PRSS35: variants seen among roughly 807,000 people sequenced by gnomAD.
The protein encoded by PRSS35 is serine protease 35.
Under a neutral mutation model 8.1 loss-of-function variants are expected in PRSS35, and 7 were observed. That is an observed-to-expected ratio of 0.86 (90% CI 0.49 to 1.62). The LOEUF (loss-of-function observed/expected upper bound fraction) is 1.62, where lower values mean the gene tolerates loss of function less well. Ranked by LOEUF, PRSS35 falls within the 40% of genes most tolerant of loss-of-function variation. PRSS35 has a pLI of 0.00. For synonymous variants in PRSS35, 199 were observed against 188.7 expected (o/e 1.05, Z -0.45); for missense variants, 566 against 518.0 (o/e 1.09, Z -0.90).
chr6:83,513,161 A>G (rs1271120344), intron 1 of PRSS35, among the ~76,000 whole-genome samples: 1 of 152,028 alleles, frequency 6.6e-6, no homozygotes, highest in Admixed American at 6.5e-5. Context: ...AAAGCTTTTG[A>G]CTTGCTTTGA....
At chr6:83,514,219 T>A (rs1771673992) in intron 1 of PRSS35, among the ~76,000 whole-genome samples, 1 of 152,180 alleles carries the variant, frequency 6.6e-6, no homozygotes, top group Non-Finnish European at 1.5e-5. Context: ...AAAATACAGA[T>A]AAGTCTAGAG....
intron 1 of PRSS35, among the ~76,000 whole-genome samples, chr6:83,516,468 G>T: frequency 6.6e-6 from 1 of 151,406 alleles, no homozygotes; most frequent in East Asian, 2.0e-4. Flanking sequence ...CCCAGCTACT[G>T]GGGAGGCTGA....
Position 83,524,601 on chromosome 6 carries a change from T to C in PRSS35, c.1160T>C (p.Val387Ala), listed in dbSNP as rs1450419530. The C allele has an allele frequency of 8.1e-6, 13 of 1,614,050 alleles. No homozygotes were observed. Among genetic ancestry groups the C allele is most frequent in the African/African-American group, 6.7e-5 (5 of 74,918 alleles). The change falls in exon 2 of 2, where the codon GTT becomes GCT. Residue 387 changes from valine (V) to alanine (A), a missense_variant. Val to Ala is a moderately conservative substitution (Grantham distance 64). Coordinates refer to ENST00000369700, the MANE Select transcript of PRSS35 (RefSeq NM_153362.3). Reference protein sequence around the residue: ...DVHGVQKDYNVAVRITPLKYA... With the variant: ...DVHGVQKDYNAAVRITPLKYA... Reference sequence around the variant, plus strand: ...CACGGGGTTCAGAAGGACTACAACGTTGCTGTTCGCATCACTCCCCTAAAA... The same window carrying C: ...CACGGGGTTCAGAAGGACTACAACGCTGCTGTTCGCATCACTCCCCTAAAA...
At chr6:83,522,397 A>C (rs1304218472) in intron 1 of PRSS35, among the ~76,000 whole-genome samples, 1 of 152,152 alleles carries the variant, frequency 6.6e-6, no homozygotes, top group Non-Finnish European at 1.5e-5. Flanking sequence ...AGTGAGCCTC[A>C]AGAAAAGAAA....
At chr6:83,520,355 T>C (rs946622555) in intron 1 of PRSS35, among the ~76,000 whole-genome samples, 2 of 152,168 alleles carry the variant, frequency 1.3e-5, no homozygotes, top group Non-Finnish European at 1.5e-5. Flanking sequence ...CGGTTAAACC[T>C]AGCTGGGAGT....
In PRSS35 at chr6:83,522,643, C is replaced by T. The variant is rs190339853; in HGVS notation, c.-20-779C>T. Among the ~76,000 whole-genome samples the T allele has an allele frequency of 1.4e-4, 21 of 152,198 alleles. No individual in the cohort carries two copies. In the Middle Eastern group the frequency reaches 0.014, roughly 99 times the overall value. ...CCACCATAAGGCATTTTGTATGGAG[C>T]TTTGCTTAGAGGGTGGTTTCAAGCA... On this transcript the variant is annotated intron_variant, in intron 1 of 1. Transcript: ENST00000369700.
intron 1 of PRSS35, among the ~76,000 whole-genome samples, chr6:83,515,264 C>T (rs1230420879): frequency 1.3e-5 from 2 of 152,128 alleles, no homozygotes; most frequent in Non-Finnish European, 2.9e-5. Context: ...AAAATAAAGG[C>T]TTCGAAATGC....
chr6:83,523,724 T>G lies in PRSS35; in HGVS notation c.283T>G (p.Leu95Val). 1.9e-6 allele frequency: 3 copies of G among 1,614,192 alleles called. No individual in the cohort carries two copies. The highest frequency in any genetic ancestry group is 2.5e-6 in the Non-Finnish European group (3 of 1,180,030). ...TGTCTTTGAGAATGGCACCCGAACC[T>G]TAACCAGGGTGAAAGTTCAAGATTT... Reference protein sequence around the residue: ...ETVFENGTRTLTRVKVQDLVL... With the variant: ...ETVFENGTRTVTRVKVQDLVL... The change falls in exon 2 of 2, where the codon TTA becomes GTA. Residue 95 changes from leucine to valine, a missense_variant. Physicochemically the swap from Leu to Val is conservative, Grantham distance 32. Coordinates refer to ENST00000369700, the MANE Select transcript of PRSS35 (RefSeq NM_153362.3).
chr6:83,521,708 C>T lies in PRSS35; in HGVS notation c.-20-1714C>T, dbSNP rs140526909. On this transcript the variant is annotated intron_variant, in intron 1 of 1. Coordinates refer to ENST00000369700, the MANE Select transcript of PRSS35 (RefSeq NM_153362.3). ...GTAGAGATGAGGTCTCAGTATGTTG[C>T]CCAATCTGGTCTTGAATTCCTGTAT... Among the ~76,000 whole-genome samples the T allele has an allele frequency of 2.6e-3, 401 of 151,904 alleles. 1 individual carries two copies. Among genetic ancestry groups the T allele is most frequent in the Non-Finnish European group, 4.1e-3 (279 of 67,948 alleles).
chr6:83,524,660 G>A lies in PRSS35; in HGVS notation c.1219G>A (p.Asp407Asn), dbSNP rs776819854. ...AQICLWIHGN[D>N]ANCAYG ...GATTTGCCTCTGGATTCACGGGAACGATGCCAATTGTGCTTACGGCTAACA... is the reference window on the plus strand; with the variant it reads ...GATTTGCCTCTGGATTCACGGGAACAATGCCAATTGTGCTTACGGCTAACA... The change falls in exon 2 of 2, where the codon GAT becomes AAT. Residue 407 changes from aspartate to asparagine, a missense_variant. Coordinates refer to ENST00000369700, the MANE Select transcript of PRSS35 (RefSeq NM_153362.3). The A allele has an allele frequency of 6.2e-7, 1 of 1,610,590 alleles. No homozygotes were observed. Among genetic ancestry groups the A allele is most frequent in the Non-Finnish European group, 8.5e-7 (1 of 1,178,526 alleles).
At chr6:83,516,222 G>A (rs1244706913) in intron 1 of PRSS35, among the ~76,000 whole-genome samples, 1 of 152,088 alleles carries the variant, frequency 6.6e-6, no homozygotes, top group South Asian at 2.1e-4. Context: ...ACAAATTACC[G>A]AAAACTCAGT....
intron 1 of PRSS35, among the ~76,000 whole-genome samples, chr6:83,518,117 C>G (rs1489249277): frequency 6.6e-6 from 1 of 152,156 alleles, no homozygotes; most frequent in South Asian, 2.1e-4. Flanking sequence ...TTCTCATAGA[C>G]AGGAAAAATA....
chr6:83,520,973 G>A (rs984501886), intron 1 of PRSS35, among the ~76,000 whole-genome samples: 1 of 152,088 alleles, frequency 6.6e-6, no homozygotes, highest in African/African-American at 2.4e-5. Context: ...GTCTCTTGAC[G>A]TGGATATTTG....
Position 83,524,097 on chromosome 6 carries a change from C to T in PRSS35, c.656C>T (p.Thr219Ile), listed in dbSNP as rs755469848. ...EASGGDQREG[T>I]REHLRERAKG... is the part of the protein sequence containing the mutation. ...AGTGGTGGTGACCAAAGAGAGGGTA[C>T]CAGAGAGCATCTGCGGGAGAGAGCG... The change falls in exon 2 of 2, where the codon ACC (threonine) becomes ATC (isoleucine). Residue 219 changes from threonine (T) to isoleucine (I), a missense_variant. Transcript: ENST00000369700. 12 of 1,613,708 alleles carry T rather than the reference C, an allele frequency of 7.4e-6. No individual in the cohort carries two copies. Among genetic ancestry groups the T allele is most frequent in the South Asian group, 2.2e-5 (2 of 91,054 alleles).
Position 83,523,808 on chromosome 6 carries a change from C to G in PRSS35, c.367C>G (p.Gln123Glu), listed in dbSNP as rs1771870924. 1.2e-6 allele frequency: 2 copies of G among 1,614,168 alleles called. No individual in the cohort carries two copies. Among genetic ancestry groups the G allele is most frequent in the South Asian group, 2.2e-5 (2 of 91,080 alleles). The change falls in exon 2 of 2, where the codon CAG (glutamine) becomes GAG (glutamate). Residue 123 changes from glutamine to glutamate, a missense_variant. By Grantham distance (29) the Gln-to-Glu change is conservative (BLOSUM62 2). Coordinates refer to ENST00000369700, the MANE Select transcript of PRSS35 (RefSeq NM_153362.3). Reference sequence around the variant, plus strand: ...GGGAGTATCTGTTAGGAGAAAGAGACAGGTGTATGGCACCGACAGCAGGTT... The same window carrying G: ...GGGAGTATCTGTTAGGAGAAAGAGAGAGGTGTATGGCACCGACAGCAGGTT... ...TKGVSVRRKR[Q>E]VYGTDSRFSI...
At chr6:83,518,223 A>C (rs2127713099) in intron 1 of PRSS35, among the ~76,000 whole-genome samples, 1 of 152,340 alleles carries the variant, frequency 6.6e-6, no homozygotes, top group South Asian at 2.1e-4. Flanking sequence ...AGGGTAAAAA[A>C]CAAAACACAA....
In PRSS35 at chr6:83,512,583, G is replaced by A. The variant is rs894926426; in HGVS notation, c.-132G>A. 7 of 152,350 alleles carry A rather than the reference G, an allele frequency of 4.6e-5. No individual in the cohort carries two copies. Among genetic ancestry groups the A allele is most frequent in the African/African-American group, 1.4e-4 (6 of 41,496 alleles). 9.4% of individuals were successfully genotyped at this position (152,350 alleles called of 1,614,324 possible). ...TGCTGTGGCCCGGCCTTGGCGGGGC[G>A]GCCTCCGGCTCAGGCTGGCTGAGAG... On this transcript the variant is annotated 5_prime_UTR_variant, in exon 1 of 2. Coordinates refer to ENST00000369700, the MANE Select transcript of PRSS35 (RefSeq NM_153362.3).
At chr6:83,521,513 C>A (rs1771821347) in intron 1 of PRSS35, among the ~76,000 whole-genome samples, 1 of 149,220 alleles carries the variant, frequency 6.7e-6, no homozygotes, top group South Asian at 2.2e-4. Context: ...CTCACCTCCC[C>A]CCCTCCTCTC....
intron 1 of PRSS35, among the ~76,000 whole-genome samples, chr6:83,521,796 C>G (rs116608805): frequency 0.028 from 4,246 of 152,012 alleles, 193 homozygotes; most frequent in African/African-American, 0.097. Flanking sequence ...GCTACCACAC[C>G]CGGCCTGCTT....
Sources: gnomAD v4.1 joint callset for allele counts (sites outside exome capture counted in the v4.1 genomes callset) on GRCh38, gnomAD v4.1.1 for gene constraint, MANE v1.5 for transcripts, NCBI Gene and HGNC (gene_info 2026-07-23, HGNC 2026-07-21) for gene names.